The following SHC2 variants were observed in gnomAD, a reference collection of about 807,000 sequenced individuals.
SHC2 encodes the protein SHC-transforming protein 2.
SHC2 carries 62 observed loss-of-function variants against 60.6 expected under a neutral mutation model. That is an observed-to-expected ratio of 1.02 (90% CI 0.83 to 1.26). The LOEUF is 1.26. SHC2 is among the 50% of genes most tolerant of loss of function. The pLI is 0.00. For synonymous variants in SHC2, 375 were observed against 372.4 expected (o/e 1.01, Z -0.08); for missense variants, 873 against 822.2 (o/e 1.06, Z -0.76).
In SHC2 at chr19:434,200, G is replaced by A. The variant is rs372047810; in HGVS notation, c.1110+509C>T. ...AGAGGAGGCCGGGCAGATACACGGC[G>A]CCCCATTGTGAGCCTGTGATTGAGT... is the stretch of plus-strand genomic sequence containing the variant. On this transcript the variant is annotated intron_variant, in intron 8 of 12. Coordinates refer to ENST00000264554, the MANE Select transcript of SHC2 (RefSeq NM_012435.3). Among the ~76,000 whole-genome samples the A allele has an allele frequency of 3.1e-4, 46 of 147,458 alleles. 2 individuals are homozygous for A. The East Asian group carries it at 3.7e-3, about 12-fold the overall frequency.
chr19:425,656 G>A lies in SHC2; in HGVS notation c.1175-425C>T, dbSNP rs993701200. On this transcript the variant is annotated intron_variant, in intron 9 of 12. Coordinates refer to ENST00000264554, the MANE Select transcript of SHC2 (RefSeq NM_012435.3). The surrounding 1 kb of genome is among the most constrained non-coding windows in gnomAD (Gnocchi z 4.1). Reference sequence around the variant, plus strand: ...AATTATGCTATCAACATGACGCACGGAGGGTCACTTATTCTGACTCAGTTC... The same window carrying A: ...AATTATGCTATCAACATGACGCACGAAGGGTCACTTATTCTGACTCAGTTC... 6.6e-6 allele frequency among the ~76,000 whole-genome samples: 1 copy of A among 152,228 alleles called. No individual in the cohort carries two copies. Among genetic ancestry groups the A allele is most frequent in the African/African-American group, 2.4e-5 (1 of 41,466 alleles).
rs764607193 is a variant in SHC2 at position 422,100 on chromosome 19, G to A, written c.1620+46C>T. ...CGAGACCCTCCCACCTGTGCCCAGC[G>A]AAGCCCCTGGATGCCCCGAGACCCT... is the stretch of plus-strand genomic sequence containing the variant. On this transcript the variant is annotated intron_variant, in intron 11 of 12. Transcript: ENST00000264554. This position sits in a 1 kb window ranked among gnomAD's most constrained non-coding sequence, Gnocchi z 5.0. 2.8e-4 allele frequency: 253 copies of A among 894,346 alleles called. 2 individuals carry two copies. In the South Asian group the frequency reaches 6.6e-3, roughly 23 times the overall value. The allele number at this position is 894,346 out of a possible 1,614,324, so 55.4% of individuals were successfully genotyped here.
At position 441,399 on chromosome 19, in the gene SHC2, G is replaced by A. The variant is rs1398000105; in HGVS notation, c.469-467C>T. The A allele has an allele frequency of 1.3e-5, 2 of 152,536 alleles. No individual in the cohort carries two copies. The highest frequency in any genetic ancestry group is 4.8e-5 in the African/African-American group (2 of 41,464). 9.4% of individuals were successfully genotyped at this position (152,536 alleles called of 1,614,324 possible). ...CTCGCCCTCCACAGGAAGTTTGCGGGCTTCTGGCCCAGACAGCTGTTTCCA... is the reference window on the plus strand; with the variant it reads ...CTCGCCCTCCACAGGAAGTTTGCGGACTTCTGGCCCAGACAGCTGTTTCCA... On this transcript the variant is annotated intron_variant, in intron 1 of 12. Coordinates refer to ENST00000264554, the MANE Select transcript of SHC2 (RefSeq NM_012435.3). The surrounding 1 kb of genome is among the most constrained non-coding windows in gnomAD (Gnocchi z 4.9).
intron 8 of SHC2, among the ~76,000 whole-genome samples, chr19:431,452 G>C (rs1173269741): frequency 3.8e-5 from 3 of 78,922 alleles, no homozygotes; most frequent in Admixed American, 3.5e-4. Flanking sequence ...GCGCTTCATC[G>C]TGAGTGAGAT....
In SHC2 at chr19:425,191, G is replaced by A. The variant is rs577341039; in HGVS notation, c.1215C>T (p.Gly405=). ...GDGYVQADAR[G]PPDHEEHLYV... is the part of the protein sequence containing the mutation. ...ACAGGTGCTCCTCGTGGTCCGGGGGGCCCCGGGCGTCCGCCTGCACGTAGC... is the reference window on the plus strand; with the variant it reads ...ACAGGTGCTCCTCGTGGTCCGGGGGACCCCGGGCGTCCGCCTGCACGTAGC... Residue 405 remains glycine, a synonymous_variant, in exon 10 of 13, where the codon GGC becomes GGT. Transcript: ENST00000264554. The surrounding 1 kb of genome is among the most constrained non-coding windows in gnomAD (Gnocchi z 4.1). 3.0e-6 allele frequency: 4 copies of A among 1,345,436 alleles called. No individual in the cohort carries two copies. Among genetic ancestry groups the A allele is most frequent in the East Asian group, 2.8e-5 (1 of 35,866 alleles). The allele number at this position is 1,345,436 out of a possible 1,614,324, so 83.3% of individuals were successfully genotyped here.
intron 9 of SHC2, among the ~76,000 whole-genome samples, chr19:429,716 C>T (rs1974520464): frequency 6.9e-6 from 1 of 145,176 alleles, no homozygotes; most frequent in South Asian, 2.2e-4. Context: ...AACCTAACAC[C>T]GTGTGGATGA....
intron 1 of SHC2, among the ~76,000 whole-genome samples, chr19:458,877 C>T (rs1250917946): frequency 2.0e-5 from 3 of 151,928 alleles, no homozygotes; most frequent in South Asian, 2.1e-4. Context: ...AGGCAGAAGC[C>T]GGTTGTACTG....
Position 460,670 on chromosome 19 carries a change from G to GAC in SHC2, c.326_327insGT (p.Gly110SerfsTer70). On this transcript the variant is annotated frameshift_variant, in exon 1 of 13. Transcript: ENST00000264554. LOFTEE classifies it high-confidence loss of function. ...CCCCGGACCCCGCCGCCCCCCGCCC[G>GAC]CCCCGCGACCCCCGCGACCCCGCGC... is the stretch of plus-strand genomic sequence containing the variant. The GAC allele has an allele frequency of 9.2e-7, 1 of 1,087,704 alleles. No individual in the cohort carries two copies. 67.4% of individuals were successfully genotyped at this position (1,087,704 alleles called of 1,614,324 possible). A position where few individuals can be genotyped will look rare whatever the true frequency, so the allele number is the denominator to read the frequency against.
intron 1 of SHC2, among the ~76,000 whole-genome samples, chr19:448,693 G>A (rs1420100051): frequency 6.6e-6 from 1 of 152,152 alleles, no homozygotes; most frequent in Non-Finnish European, 1.5e-5. Context: ...GGAAAACACA[G>A]CACCCCTCTG....
intron 7 of SHC2, chr19:435,928 A>AC (rs1276509499): frequency 2.0e-6 from 1 of 507,642 alleles, no homozygotes; most frequent in East Asian, 3.3e-5. Context: ...CCTCAGGCAC[A>AC]CCGGGGAGTC....
chr19:458,856 G>A (rs71335251), intron 1 of SHC2, among the ~76,000 whole-genome samples: 4 of 151,988 alleles, frequency 2.6e-5, no homozygotes, highest in South Asian at 4.1e-4. Context: ...AGGCGGAAGC[G>A]GGTCCTGGGG....
intron 8 of SHC2, among the ~76,000 whole-genome samples, chr19:434,268 A>ATGAGTGAGATCATGAG (rs1034939942): frequency 0.01 from 29 of 2,890 alleles, no homozygotes; most frequent in African/African-American, 0.038. Context: ...GAGTGAGATC[A>ATGAGTGAGATCATGAG]TGAGTGAGAT....
chr19:435,235 G>A (rs552575728), intron 7 of SHC2, among the ~76,000 whole-genome samples: 11 of 152,336 alleles, frequency 7.2e-5, no homozygotes, highest in South Asian at 4.1e-4. Flanking sequence ...AAGCGCCCCC[G>A]CCCTCTGGCC....
At chr19:436,772 G>A in intron 4 of SHC2, 89 bp from the exon 5 acceptor site, 1 of 1,224,252 alleles carries the variant, frequency 8.2e-7, no homozygotes, top group South Asian at 1.3e-5. Flanking sequence ...AGCGAAGAGT[G>A]GGGCAGGGGC....
chr19:426,045 A>C (rs796770749), intron 9 of SHC2, among the ~76,000 whole-genome samples: 1 of 152,030 alleles, frequency 6.6e-6, no homozygotes, highest in Non-Finnish European at 1.5e-5. Flanking sequence ...AAAAAAAAAA[A>C]AACTATCCAC....
intron 1 of SHC2, among the ~76,000 whole-genome samples, chr19:452,150 G>T (rs999389950): frequency 6.6e-6 from 1 of 152,148 alleles, no homozygotes; most frequent in African/African-American, 2.4e-5. Flanking sequence ...GTTTCACTGC[G>T]GTTGGGGCAT....
Position 459,441 on chromosome 19 carries a change from CCAGCGTAGGGGGAAGGACCCCTCTCAACT to C in SHC2, c.468+1059_468+1087del, listed in dbSNP as rs1568301664. Among the ~76,000 whole-genome samples the C allele has an allele frequency of 5.8e-3, 437 of 75,738 alleles. 4 individuals carry two copies. Among genetic ancestry groups the C allele is most frequent in the African/African-American group, 0.019 (333 of 17,634 alleles). The allele number at this position is 75,738 out of a possible 152,430, so 49.7% of individuals were successfully genotyped here. A position where few individuals can be genotyped will look rare whatever the true frequency, so the allele number is the denominator to read the frequency against. ...CGTAGGGGGAAGGACCCCACTGAAC[CCAGCGTAGGGGGAAGGACCCCTCTCAACT>C]CAGCGTAGGGGGAAGGACCCCACTG... On this transcript the variant is annotated intron_variant, in intron 1 of 12. Coordinates refer to ENST00000264554, the MANE Select transcript of SHC2 (RefSeq NM_012435.3).
chr19:454,659 G>A (rs372264767), intron 1 of SHC2, among the ~76,000 whole-genome samples: 7 of 152,156 alleles, frequency 4.6e-5, no homozygotes, highest in African/African-American at 7.2e-5. Flanking sequence ...GCATGGTGGC[G>A]GGCGCCTGTA....
In SHC2 at chr19:419,191, G is replaced by A. The variant is rs528440079; in HGVS notation, c.1621-135C>T. 1.5e-4 allele frequency: 154 copies of A among 1,002,072 alleles called. 1 individual carries two copies. The highest frequency in any genetic ancestry group is 1.0e-3 in the Middle Eastern group (3 of 2,972). The allele number at this position is 1,002,072 out of a possible 1,614,324, so 62.1% of individuals were successfully genotyped here. ...ACGAGGGGCCGGACCAGGGAATTCCGGGACACCAGCCAAAGGATCGGCCTC... is the reference window on the plus strand; with the variant it reads ...ACGAGGGGCCGGACCAGGGAATTCCAGGACACCAGCCAAAGGATCGGCCTC... On this transcript the variant is annotated intron_variant, in intron 11 of 12. Coordinates refer to ENST00000264554, the MANE Select transcript of SHC2 (RefSeq NM_012435.3).
Sources: gnomAD v4.1 joint callset for allele counts (sites outside exome capture counted in the v4.1 genomes callset) on GRCh38, gnomAD v4.1.1 for gene constraint, Gnocchi (gnomAD v3.1) non-coding constraint, MANE v1.5 for transcripts, NCBI Gene and HGNC (gene_info 2026-07-23, HGNC 2026-07-21) for gene names.